PRIM1: variants seen among roughly 807,000 people sequenced by gnomAD.
PRIM1 encodes the protein DNA primase small subunit.
Under a neutral mutation model 60.2 loss-of-function variants are expected in PRIM1, and 38 were observed. The ratio of observed to expected loss-of-function variants is 0.63; its 90% CI spans 0.49 to 0.83. PRIM1 has a LOEUF of 0.83. Ranked by LOEUF, PRIM1 falls within the 40% of genes least tolerant of loss-of-function variation. The probability of loss-of-function intolerance (pLI) is 0.00; values close to 1 mark genes in which losing one functional copy is unlikely to be tolerated. For missense variants in PRIM1, 388 were observed against 506.2 expected (o/e 0.77, Z 2.24); for synonymous variants, 158 against 160.2 (o/e 0.99, Z 0.10).
At chr12:56,745,630 A>C (rs1246291704) in intron 5 of PRIM1, among the ~76,000 whole-genome samples, 1 of 152,160 alleles carries the variant, frequency 6.6e-6, no homozygotes, top group Non-Finnish European at 1.5e-5. Context: ...TTACTCTGCA[A>C]TGTGAATGCC....
intron 12 of PRIM1, among the ~76,000 whole-genome samples, chr12:56,733,571 T>C (rs1234435952): frequency 1.3e-5 from 2 of 151,790 alleles, no homozygotes; most frequent in Non-Finnish European, 2.9e-5. Flanking sequence ...TTTGTACTTT[T>C]TTTTTTGTAT....
intron 12 of PRIM1, among the ~76,000 whole-genome samples, chr12:56,732,095 A>G (rs2035081): frequency 0.58 from 88,771 of 152,150 alleles, 27,027 homozygotes; most frequent in South Asian, 0.74. Context: ...TTGTATTGCT[A>G]TAACATTGTC....
At chr12:56,734,004 C>G (rs535502052) in intron 12 of PRIM1, 143 bp downstream of exon 12, 1 of 577,176 alleles carries the variant, frequency 1.7e-6, no homozygotes, top group Non-Finnish European at 3.0e-6. Context: ...AATTAAGGAA[C>G]CTCAATTTCC....
chr12:56,738,574 A>G, intron 10 of PRIM1, 49 bp from the exon 11 acceptor site: 1 of 1,535,290 alleles, frequency 6.5e-7, no homozygotes, highest in Non-Finnish European at 8.8e-7. Context: ...TGTTTTTGAG[A>G]CGGAGTCTTG....
intron 2 of PRIM1, 34 bp from the exon 3 acceptor site, chr12:56,747,066 G>A (rs1953913734): frequency 1.3e-6 from 2 of 1,518,126 alleles, no homozygotes; most frequent in African/African-American, 1.4e-5. Flanking sequence ...GTTTCTATAA[G>A]AGCTGCCACA....
At chr12:56,751,285 C>A in intron 1 of PRIM1, 90 bp from the exon 2 acceptor site, 1 of 900,120 alleles carries the variant, frequency 1.1e-6, no homozygotes, top group South Asian at 2.2e-5. Context: ...TTTTTTTTTT[C>A]GGTGAGGGAA....
At chr12:56,742,492 C>T (rs1434924956) in intron 7 of PRIM1, among the ~76,000 whole-genome samples, 2 of 151,860 alleles carry the variant, frequency 1.3e-5, no homozygotes, top group Non-Finnish European at 2.9e-5. Context: ...TTGTTTGAAC[C>T]CGGGAGGCGG....
At chr12:56,741,179 CAA>C (rs1016131148) in intron 9 of PRIM1, among the ~76,000 whole-genome samples, 5 of 151,976 alleles carry the variant, frequency 3.3e-5, no homozygotes, top group African/African-American at 1.2e-4. Flanking sequence ...CTCATCTGTA[CAA>C]TGAGAGCTGT....
chr12:56,732,858 A>T (rs537592184), intron 12 of PRIM1, among the ~76,000 whole-genome samples: 113 of 145,214 alleles, frequency 7.8e-4, no homozygotes, highest in African/African-American at 2.6e-3. Flanking sequence ...GGGATTAGAA[A>T]TTTTTTTTTT....
chr12:56,741,738 G>T lies in PRIM1; in HGVS notation c.840+8C>A. The T allele has an allele frequency of 6.2e-7, 1 of 1,610,098 alleles. No individual in the cohort carries two copies. The highest frequency in any genetic ancestry group is 8.5e-7 in the Non-Finnish European group (1 of 1,176,576). On this transcript the variant is annotated splice_region_variant and intron_variant, in intron 8 of 12. Transcript: ENST00000338193. ...TATATCTGTAATACAGATTTCAGTGGCATATACCTGATATCTGCTGGCTAC... is the reference window on the plus strand; with the variant it reads ...TATATCTGTAATACAGATTTCAGTGTCATATACCTGATATCTGCTGGCTAC...
At chr12:56,742,574 A>G (rs955735772) in intron 7 of PRIM1, among the ~76,000 whole-genome samples, 2 of 152,014 alleles carry the variant, frequency 1.3e-5, no homozygotes, top group Non-Finnish European at 2.9e-5. Flanking sequence ...CTCCGTCTTA[A>G]AAACAACAAC....
rs756452647 is a variant in PRIM1, at chr12:56,736,298, T to TAAAAAAAAAAAAAA, written c.1145-2067_1145-2054dup. Among the ~76,000 whole-genome samples the TAAAAAAAAAAAAAA allele has an allele frequency of 1.4e-3, 34 of 24,320 alleles. 5 individuals carry two copies. The highest frequency in any genetic ancestry group is 2.3e-3 in the African/African-American group (10 of 4,442). The allele number at this position is 24,320 out of a possible 152,430, so 16.0% of individuals were successfully genotyped here. Reference sequence around the variant, plus strand: ...GGGTGACAGAGTAAGACTCTTTCTCTAAAAAAAAAAAAAAAAAAAAAAAAA... The same window carrying TAAAAAAAAAAAAAA: ...GGGTGACAGAGTAAGACTCTTTCTCTAAAAAAAAAAAAAAAAAAAAAAAAAAAAAAAAAAAAAAA... On this transcript the variant is annotated intron_variant, in intron 11 of 12. Transcript: ENST00000338193.
intron 6 of PRIM1, chr12:56,743,443 T>C (rs1953885951): frequency 6.0e-6 from 1 of 167,580 alleles, no homozygotes. Context: ...GCCTACACTT[T>C]CCACTGTGAA....
At chr12:56,739,530 T>C (rs1278778571) in intron 9 of PRIM1, among the ~76,000 whole-genome samples, 167 bp from the exon 10 acceptor site, 3 of 152,212 alleles carry the variant, frequency 2.0e-5, no homozygotes, top group Non-Finnish European at 2.9e-5. Flanking sequence ...ACATTAGCTG[T>C]GCCCTTACTC....
chr12:56,746,707 G>A, intron 4 of PRIM1, 74 bp downstream of exon 4: 1 of 1,260,328 alleles, frequency 7.9e-7, no homozygotes, highest in Non-Finnish European at 1.1e-6. Flanking sequence ...AAAATACAGA[G>A]ACTAATAGTT....
At chr12:56,734,588 T>C (rs920738164) in intron 11 of PRIM1, among the ~76,000 whole-genome samples, 3 of 150,948 alleles carry the variant, frequency 2.0e-5, no homozygotes, top group Non-Finnish European at 4.4e-5. Flanking sequence ...TTTTTGGTAT[T>C]TGTAGAGACG....
In PRIM1 at chr12:56,731,710, T is replaced by G; in HGVS notation, c.*5A>C. On this transcript the variant is annotated 3_prime_UTR_variant, in exon 13 of 13. Transcript: ENST00000338193. ...ATATCCACAATGGTTTGAGGAGCTC[T>G]GTCTTCAGAAATCTTTTTGTAAATC... 1 of 1,516,410 alleles carries G rather than the reference T, an allele frequency of 6.6e-7. No individual in the cohort carries two copies. The highest frequency in any genetic ancestry group is 8.9e-7 in the Non-Finnish European group (1 of 1,118,678). 93.9% of individuals were successfully genotyped at this position (1,516,410 alleles called of 1,614,324 possible). A position where few individuals can be genotyped will look rare whatever the true frequency, so the allele number is the denominator to read the frequency against.
intron 5 of PRIM1, among the ~76,000 whole-genome samples, chr12:56,744,908 AT>A (rs2137865439): frequency 6.6e-6 from 1 of 152,180 alleles, no homozygotes; most frequent in African/African-American, 2.4e-5. Flanking sequence ...CCTGACCAAT[AT>A]GATGAAACCC....
chr12:56,742,175 T>A (rs1351048520), intron 7 of PRIM1: 2 of 310,836 alleles, frequency 6.4e-6, no homozygotes, highest in East Asian at 1.7e-4. Flanking sequence ...ATTGCTTAAA[T>A]CTGCAAGGTG....
Sources: gnomAD v4.1 joint callset for allele counts (sites outside exome capture counted in the v4.1 genomes callset) on GRCh38, gnomAD v4.1.1 for gene constraint, MANE v1.5 for transcripts, NCBI Gene and HGNC (gene_info 2026-07-23, HGNC 2026-07-21) for gene names.